Variants in GRIN2B observed in about 807,000 individuals in gnomAD.
GRIN2B encodes glutamate ionotropic receptor NMDA type subunit 2B.
In GRIN2B, 5 loss-of-function variants were observed where a neutral mutation model predicts 114.5. That is an observed-to-expected ratio of 0.04 (90% CI 0.02 to 0.09). GRIN2B has a LOEUF of 0.09. Among genes scored for constraint, GRIN2B ranks in the 10% least tolerant of loss-of-function variants. The probability of loss-of-function intolerance (pLI) is 1.00; values close to 1 mark genes in which losing one functional copy is unlikely to be tolerated. For missense variants in GRIN2B, 1,108 were observed against 1,943.5 expected (o/e 0.57, Z 8.08); for synonymous variants, 787 against 745.1 (o/e 1.06, Z -0.92).
intron 5 of GRIN2B, among the ~76,000 whole-genome samples, chr12:13,673,327 T>A (rs953470722): frequency 2.0e-4 from 31 of 151,950 alleles, no homozygotes; most frequent in African/African-American, 7.0e-4. Flanking sequence ...AGCTTAATTG[T>A]GAGACAGGAA....
At chr12:13,729,755 C>T (rs577044627) in intron 4 of GRIN2B, among the ~76,000 whole-genome samples, 2 of 141,568 alleles carry the variant, frequency 1.4e-5, no homozygotes, top group South Asian at 2.2e-4. Flanking sequence ...GAAATAACTA[C>T]AGGAGAAGAG....
At chr12:13,698,377 G>C (rs972250615) in intron 4 of GRIN2B, among the ~76,000 whole-genome samples, 1 of 152,212 alleles carries the variant, frequency 6.6e-6, no homozygotes, top group African/African-American at 2.4e-5. Context: ...CTTTTGTGGA[G>C]ACAAGTAAAT....
chr12:13,966,702 A>G (rs1435334524), intron 2 of GRIN2B, among the ~76,000 whole-genome samples: 1 of 152,168 alleles, frequency 6.6e-6, no homozygotes, highest in Non-Finnish European at 1.5e-5. Flanking sequence ...CTGATCGAAT[A>G]CCTAGTGGGT....
rs1948689092 is a variant in GRIN2B at position 13,570,235 on chromosome 12, G to GGAATGATGA, written c.2172-227_2172-219dup. On this transcript the variant is annotated intron_variant, in intron 11 of 13. Coordinates refer to ENST00000609686, the MANE Select transcript of GRIN2B (RefSeq NM_000834.5). ...AGGAGGAGTTCTTTTCTTCCCACTGGGAATGATGAGAATGTAAGTTGGGCC... is the reference window on the plus strand; with the variant it reads ...AGGAGGAGTTCTTTTCTTCCCACTGGGAATGATGAGAATGATGAGAATGTAAGTTGGGCC... 2.6e-5 allele frequency among the ~76,000 whole-genome samples: 4 copies of GGAATGATGA among 152,242 alleles called. No individual in the cohort carries two copies. The South Asian group carries it at 8.3e-4, about 32-fold the overall frequency.
chr12:13,824,527 C>G (rs1825779716), intron 3 of GRIN2B, among the ~76,000 whole-genome samples: 1 of 152,058 alleles, frequency 6.6e-6, no homozygotes, highest in Admixed American at 6.6e-5. Flanking sequence ...CTGAGCCAGT[C>G]TTGCTAGAGA....
intron 9 of GRIN2B, among the ~76,000 whole-genome samples, chr12:13,610,666 G>A (rs561631665): frequency 6.6e-6 from 1 of 152,334 alleles, no homozygotes; most frequent in South Asian, 2.1e-4. Context: ...GAATCCAACA[G>A]AAGCATGAGG....
intron 3 of GRIN2B, among the ~76,000 whole-genome samples, chr12:13,824,165 C>CT (rs1274928326): frequency 6.6e-6 from 1 of 152,114 alleles, no homozygotes; most frequent in African/African-American, 2.4e-5. Flanking sequence ...GTTCCCTCCC[C>CT]TTCTATTTCC....
rs182810448 is a variant in GRIN2B at position 13,701,023 on chromosome 12, G to A, written c.1011-25164C>T. Among the ~76,000 whole-genome samples the A allele has an allele frequency of 2.3e-4, 35 of 152,220 alleles. No homozygotes were observed. In the East Asian group the frequency reaches 5.4e-3, roughly 24 times the overall value. The stretch of plus-strand genomic sequence containing the variant: ...GGGAGGTCTCAGGAAACTTACAACC[G>A]TGGCAGAAGGTGAAGGGGAAACGAG... On this transcript the variant is annotated intron_variant, in intron 4 of 13. Coordinates refer to ENST00000609686, the MANE Select transcript of GRIN2B (RefSeq NM_000834.5).
Position 13,874,143 on chromosome 12 carries a change from AGCAATATTTCT to A in GRIN2B, c.-18-7928_-18-7918del, listed in dbSNP as rs1865957540. On this transcript the variant is annotated intron_variant, in intron 2 of 13. Coordinates refer to ENST00000609686, the MANE Select transcript of GRIN2B (RefSeq NM_000834.5). The stretch of plus-strand genomic sequence containing the variant: ...CAAAGGTGATACTGGATCTCTTGGC[AGCAATATTTCT>A]GCTACATCTTTCCTGGAACCTCTCC... Among the ~76,000 whole-genome samples, 3 of 152,298 alleles carry A rather than the reference AGCAATATTTCT, an allele frequency of 2.0e-5. 1 individual carries two copies. Among genetic ancestry groups the A allele is most frequent in the African/African-American group, 7.2e-5 (3 of 41,560 alleles).
intron 10 of GRIN2B, among the ~76,000 whole-genome samples, chr12:13,600,126 G>C (rs1452663946): frequency 6.6e-6 from 1 of 152,178 alleles, no homozygotes; most frequent in Non-Finnish European, 1.5e-5. Context: ...CTAATATCTT[G>C]CATAGGGATA....
chr12:13,760,551 T>C (rs1334010726), intron 3 of GRIN2B, among the ~76,000 whole-genome samples: 1 of 152,212 alleles, frequency 6.6e-6, no homozygotes, highest in Non-Finnish European at 1.5e-5. Context: ...TTTCCTATTA[T>C]ATTAATAAAG....
intron 4 of GRIN2B, among the ~76,000 whole-genome samples, chr12:13,747,888 C>T (rs1863414491): frequency 6.6e-6 from 1 of 152,076 alleles, no homozygotes; most frequent in Non-Finnish European, 1.5e-5. Flanking sequence ...TTTTTTTAAC[C>T]TTTCAGCACT....
intron 3 of GRIN2B, among the ~76,000 whole-genome samples, chr12:13,792,703 G>C (rs551631119): frequency 1.6e-3 from 251 of 152,302 alleles, no homozygotes; most frequent in African/African-American, 5.7e-3. Context: ...CATGGTGCAA[G>C]GCAGATGCTG....
At chr12:13,889,785 T>G (rs1413771489) in intron 2 of GRIN2B, among the ~76,000 whole-genome samples, 2 of 152,158 alleles carry the variant, frequency 1.3e-5, no homozygotes, top group Non-Finnish European at 2.9e-5. Context: ...TGTCTTTCAT[T>G]CAAATGACAA....
At chr12:13,785,219 T>C (rs1188791398) in intron 3 of GRIN2B, among the ~76,000 whole-genome samples, 6 of 152,218 alleles carry the variant, frequency 3.9e-5, no homozygotes, top group Admixed American at 3.3e-4. Flanking sequence ...TTCTTAATTT[T>C]TCCATTAAAA....
intron 3 of GRIN2B, among the ~76,000 whole-genome samples, chr12:13,840,435 C>A (rs753873447): frequency 6.6e-6 from 1 of 152,084 alleles, no homozygotes; most frequent in African/African-American, 2.4e-5. Flanking sequence ...ACAAAGATAC[C>A]TGATTTAGAT....
intron 3 of GRIN2B, among the ~76,000 whole-genome samples, chr12:13,825,496 T>TTTTTTTTTTTGTGTGTGTGTG (rs375940899): frequency 8.1e-6 from 1 of 122,994 alleles, no homozygotes; most frequent in African/African-American, 3.1e-5. Flanking sequence ...TATATATATT[T>TTTTTTTTTTTGTGTGTGTGTG]TGTGTGTGTG....
chr12:13,918,749 A>G (rs1866773282), intron 2 of GRIN2B, among the ~76,000 whole-genome samples: 1 of 152,234 alleles, frequency 6.6e-6, no homozygotes, highest in Non-Finnish European at 1.5e-5. Flanking sequence ...ACACATTATG[A>G]AGTTGAGGTC....
intron 2 of GRIN2B, among the ~76,000 whole-genome samples, chr12:13,949,477 C>G (rs1177118409): frequency 6.6e-6 from 1 of 152,092 alleles, no homozygotes; most frequent in East Asian, 1.9e-4. Flanking sequence ...ACCACAGGGC[C>G]TCCTGGAATC....
Sources: allele counts gnomAD v4.1 joint callset (sites outside exome capture counted in the v4.1 genomes callset), GRCh38; gene constraint gnomAD v4.1.1; transcripts MANE v1.5; gene names NCBI Gene and HGNC (gene_info 2026-07-23, HGNC 2026-07-21).